Variants in MTERF3 observed in about 807,000 individuals in gnomAD.
MTERF3 encodes the protein transcription termination factor 3, mitochondrial.
MTERF3 carries 40 observed loss-of-function variants against 40.5 expected under a neutral mutation model. That is an observed-to-expected ratio of 0.99 (90% CI 0.77 to 1.29). The LOEUF is 1.29. MTERF3 is among the 50% of genes most tolerant of loss of function. MTERF3 has a pLI of 0.00. For missense variants in MTERF3, 452 were observed against 478.2 expected (o/e 0.95, Z 0.51); for synonymous variants, 158 against 166.6 (o/e 0.95, Z 0.40).
At chr8:96,249,564 TAATA>T (rs2129903128) in intron 4 of MTERF3, among the ~76,000 whole-genome samples, 1 of 152,304 alleles carries the variant, frequency 6.6e-6, no homozygotes, top group Non-Finnish European at 1.5e-5. Flanking sequence ...ATGTTCAATT[TAATA>T]AATAAGGTTT....
chr8:96,245,434 T>A (rs1395275011), intron 6 of MTERF3, among the ~76,000 whole-genome samples: 6 of 152,196 alleles, frequency 3.9e-5, no homozygotes, highest in Non-Finnish European at 8.8e-5. Context: ...GCTACTCTTT[T>A]CACAGAAGTC....
chr8:96,250,702 A>G (rs1459696399), intron 4 of MTERF3, among the ~76,000 whole-genome samples: 60 of 24,454 alleles, frequency 2.5e-3, no homozygotes, highest in South Asian at 5.3e-3. Flanking sequence ...GGAGGGGGGG[A>G]GGGGGAGGGG....
At chr8:96,242,105 T>C (rs1484555925) in intron 7 of MTERF3, among the ~76,000 whole-genome samples, 2 of 152,240 alleles carry the variant, frequency 1.3e-5, no homozygotes, top group Non-Finnish European at 2.9e-5. Context: ...GCCACTGAGA[T>C]TTAAACACCA....
chr8:96,251,626 T>C (rs1457082837), intron 3 of MTERF3, among the ~76,000 whole-genome samples: 1 of 152,138 alleles, frequency 6.6e-6, no homozygotes, highest in Non-Finnish European at 1.5e-5. Context: ...ACACGTCCCT[T>C]GAAGAAACTC....
rs375079708 is a variant in MTERF3 at position 96,246,500 on chromosome 8, T to C, written c.678-46A>G. The C allele has an allele frequency of 1.3e-5, 18 of 1,383,196 alleles. No homozygotes were observed. The African/African-American group carries it at 2.7e-4, about 21-fold the overall frequency. 85.7% of individuals were successfully genotyped at this position (1,383,196 alleles called of 1,614,324 possible). A position where few individuals can be genotyped will look rare whatever the true frequency, so the allele number is the denominator to read the frequency against. Reference sequence around the variant, plus strand: ...ACGCATGTGATAAACACTTACATTCTTTTTTTTTGAGATGGAGTCTCATGC... The same window carrying C: ...ACGCATGTGATAAACACTTACATTCCTTTTTTTTGAGATGGAGTCTCATGC... On this transcript the variant is annotated intron_variant, in intron 4 of 7. Transcript: ENST00000287025.
intron 4 of MTERF3, among the ~76,000 whole-genome samples, chr8:96,248,228 C>T (rs958137633): frequency 6.6e-6 from 1 of 152,146 alleles, no homozygotes; most frequent in African/African-American, 2.4e-5. Flanking sequence ...TCTAGAAATA[C>T]GTCCTACAGA....
intron 3 of MTERF3, among the ~76,000 whole-genome samples, chr8:96,253,842 TTAA>T (rs1563550931): frequency 1.1e-4 from 11 of 98,440 alleles, no homozygotes; most frequent in Admixed American, 3.0e-4. Flanking sequence ...CTCCCTCTAT[TTAA>T]AAAAAAAAAA....
At chr8:96,246,522 A>G in intron 4 of MTERF3, 68 bp from the exon 5 acceptor site, 2 of 1,377,386 alleles carry the variant, frequency 1.5e-6, no homozygotes, top group Non-Finnish European at 1.9e-6. Flanking sequence ...ATGGAGTCTC[A>G]TGCTACTTCC....
chr8:96,250,812 C>A, intron 4 of MTERF3, 94 bp downstream of exon 4: 1 of 1,208,906 alleles, frequency 8.3e-7, no homozygotes, highest in Non-Finnish European at 1.2e-6. Context: ...TCTCAGTAGA[C>A]CCTTGTGCAG....
At chr8:96,260,544 T>G (rs1379736640) in intron 1 of MTERF3, among the ~76,000 whole-genome samples, 1 of 152,174 alleles carries the variant, frequency 6.6e-6, no homozygotes, top group East Asian at 1.9e-4. Context: ...CCCTATCAGC[T>G]CTAACATTTT....
chr8:96,258,387 A>G lies in MTERF3; in HGVS notation c.304T>C (p.Ser102Pro). 6.2e-7 allele frequency: 1 copy of G among 1,613,328 alleles called. No individual in the cohort carries two copies. The highest frequency in any genetic ancestry group is 8.5e-7 in the Non-Finnish European group (1 of 1,179,362). ...NEQSQKTQNI[S>P]SFDSELFLEE... ...AGAAACAGCTCAGAATCAAAGCTGG[A>G]TATATTTTGTGTCTTCTGTGACTGT... Residue 102 changes from serine to proline, a missense_variant, in exon 2 of 8, where the codon TCC (serine) becomes CCC (proline). Transcript: ENST00000287025.
rs377505762 is a variant in MTERF3 at position 96,239,565 on chromosome 8, G to T, written c.1180C>A (p.Pro394Thr). The T allele has an allele frequency of 1.9e-6, 3 of 1,612,880 alleles. No individual in the cohort carries two copies. In the African/African-American group the frequency reaches 4.0e-5, roughly 22 times the overall value. ...YISLDKLVSI[P>T]DEIFCEEIAK... ...ATCTCTTCACAAAATATTTCATCAG[G>T]AATAGATACTAGTTTGTCCAAAGAG... The change falls in exon 8 of 8, where the codon CCT (proline) becomes ACT (threonine). Residue 394 changes from proline to threonine, a missense_variant. Pro to Thr is a conservative substitution (Grantham distance 38). Coordinates refer to ENST00000287025, the MANE Select transcript of MTERF3 (RefSeq NM_015942.5).
rs1238692856 is a variant in MTERF3, at chr8:96,258,409, C to G, written c.282G>C (p.Gln94His). Reference protein sequence around the residue: ...QSSLLPSMNEQSQKTQNISSF... With the variant: ...QSSLLPSMNEHSQKTQNISSF... ...TGGATATATTTTGTGTCTTCTGTGACTGTTCATTCATGGAAGGAAGCAGAC... is the reference window on the plus strand; with the variant it reads ...TGGATATATTTTGTGTCTTCTGTGAGTGTTCATTCATGGAAGGAAGCAGAC... Residue 94 changes from glutamine to histidine, a missense_variant, in exon 2 of 8, where the codon CAG becomes CAC. Coordinates refer to ENST00000287025, the MANE Select transcript of MTERF3 (RefSeq NM_015942.5). 6.2e-7 allele frequency: 1 copy of G among 1,614,110 alleles called. No homozygotes were observed. The highest frequency in any genetic ancestry group is 1.3e-5 in the African/African-American group (1 of 75,066).
rs751445991 is a variant in MTERF3 at position 96,257,009 on chromosome 8, C to T, written c.440G>A (p.Arg147Gln). The change falls in exon 3 of 8, where the codon CGA becomes CAA. Residue 147 changes from arginine to glutamine, a missense_variant. Arg to Gln is a conservative substitution (Grantham distance 43). Transcript: ENST00000287025. ...PPLPPASFTL[R>Q]DYVDHSETLQ... ...AGTCTCAGAATGATCCACATAGTCT[C>T]GAAGTGTGAATGAAGCTGGTGGCAA... 5.0e-6 allele frequency: 8 copies of T among 1,613,818 alleles called. No individual in the cohort carries two copies. The highest frequency in any genetic ancestry group is 2.7e-5 in the African/African-American group (2 of 74,908).
At chr8:96,242,586 G>C (rs936778863) in intron 7 of MTERF3, among the ~76,000 whole-genome samples, 17 of 152,120 alleles carry the variant, frequency 1.1e-4, no homozygotes, top group African/African-American at 4.1e-4. Flanking sequence ...GGTAATAATA[G>C]CATCTACCTC....
chr8:96,245,891 C>T lies in MTERF3; in HGVS notation c.866G>A (p.Gly289Glu). Residue 289 changes from glycine to glutamate, a missense_variant, in exon 6 of 8, where the codon GGA becomes GAA. Transcript: ENST00000287025. Reference sequence around the variant, plus strand: ...ATTTTCTTTCACGGGTTCCAGACTTCCAGTTAGCAGCCTTGGGAGACGAAC... The same window carrying T: ...ATTTTCTTTCACGGGTTCCAGACTTTCAGTTAGCAGCCTTGGGAGACGAAC... Reference protein sequence around the residue: ...LVVRLPRLLTGSLEPVKENMK... With the variant: ...LVVRLPRLLTESLEPVKENMK... The T allele has an allele frequency of 1.9e-6, 3 of 1,614,026 alleles. No individual in the cohort carries two copies. Among genetic ancestry groups the T allele is most frequent in the Non-Finnish European group, 2.5e-6 (3 of 1,179,964 alleles).
intron 3 of MTERF3, 72 bp from the exon 4 acceptor site, chr8:96,251,167 A>G (rs1381055556): frequency 1.7e-6 from 2 of 1,212,046 alleles, no homozygotes; most frequent in Non-Finnish European, 2.2e-6. Flanking sequence ...ACATAAGCAC[A>G]AGAAATTACT....
intron 7 of MTERF3, among the ~76,000 whole-genome samples, chr8:96,240,710 G>A (rs778250399): frequency 1.1e-4 from 16 of 152,164 alleles, no homozygotes; most frequent in African/African-American, 3.6e-4. Context: ...GAGGTTCCCC[G>A]ATGAGGCTCA....
At chr8:96,255,639 GAA>G (rs754843989) in intron 3 of MTERF3, among the ~76,000 whole-genome samples, 3 of 57,054 alleles carry the variant, frequency 5.3e-5, no homozygotes, top group Admixed American at 1.9e-4. Flanking sequence ...CCAGTCTGAA[GAA>G]AAAAAAAAAA....
Sources: allele counts gnomAD v4.1 joint callset (sites outside exome capture counted in the v4.1 genomes callset), GRCh38; gene constraint gnomAD v4.1.1; transcripts MANE v1.5; gene names NCBI Gene and HGNC (gene_info 2026-07-23, HGNC 2026-07-21).